Variants in ABL1 observed in about 807,000 individuals in gnomAD.
The protein encoded by ABL1 is ABL proto-oncogene 1, non-receptor tyrosine kinase.
Under a neutral mutation model 94.7 loss-of-function variants are expected in ABL1, and 11 were observed. That is an observed-to-expected ratio of 0.12 (90% confidence interval 0.07 to 0.19). The LOEUF (loss-of-function observed/expected upper bound fraction) is 0.19, where lower values mean the gene tolerates loss of function less well. Ranked by LOEUF, ABL1 falls within the 10% of genes least tolerant of loss-of-function variation. ABL1 has a pLI of 1.00. For synonymous variants in ABL1, 656 were observed against 622.4 expected (o/e 1.05, Z -0.80); for missense variants, 1,082 against 1,489.4 (o/e 0.73, Z 4.50).
chr9:130,818,509 C>T lies in ABL1; in HGVS notation c.137-35555C>T, dbSNP rs148371710. 2.9e-3 allele frequency among the ~76,000 whole-genome samples: 444 copies of T among 152,266 alleles called. 2 individuals carry two copies. The highest frequency in any genetic ancestry group is 0.01 in the African/African-American group (432 of 41,562). ...TAAAATTTCAGTTTATCAGTGATTT[C>T]TCTTAAGTTTCATGCATTGGGTATT... On this transcript the variant is annotated intron_variant, in intron 1 of 10. Transcript: ENST00000372348.
chr9:130,855,953 TC>T (rs1830967239), intron 3 of ABL1, among the ~76,000 whole-genome samples: 1 of 152,124 alleles, frequency 6.6e-6, no homozygotes, highest in African/African-American at 2.4e-5. Context: ...TCTTGCCCTG[TC>T]ACCCAGGCTG....
chr9:130,733,285 A>G (rs148379159), intron 1 of ABL1, among the ~76,000 whole-genome samples: 5 of 152,322 alleles, frequency 3.3e-5, no homozygotes, highest in African/African-American at 1.2e-4. Context: ...GTCAAAACAA[A>G]CAACTCCCAG....
At chr9:130,716,372 C>T (rs999167314) in intron 1 of ABL1, among the ~76,000 whole-genome samples, 1 of 152,160 alleles carries the variant, frequency 6.6e-6, no homozygotes, top group African/African-American at 2.4e-5. Flanking sequence ...GCTGGGATTA[C>T]AGGAGTGAGC....
chr9:130,870,398 T>C (rs1831232934), intron 4 of ABL1, among the ~76,000 whole-genome samples: 1 of 152,334 alleles, frequency 6.6e-6, no homozygotes, highest in South Asian at 2.1e-4. Context: ...ATGTGGTTTA[T>C]TATGTAGTCT....
chr9:130,886,858 CCTGGCTGCA>C lies in ABL1; in HGVS notation c.*1178_*1186del, dbSNP rs1361720859. On this transcript the variant is annotated 3_prime_UTR_variant, in exon 11 of 11. Transcript: ENST00000318560. ...AGGAAAGGGCCTGGCCAGTCCTGGT[CCTGGCTGCA>C]CTCTTGAACTGGGCGAATGTCTTAT... 1 of 233,268 alleles carries C rather than the reference CCTGGCTGCA, an allele frequency of 4.3e-6. No homozygotes were observed. Among genetic ancestry groups the C allele is most frequent in the African/African-American group, 2.2e-5 (1 of 45,342 alleles). The allele number at this position is 233,268 out of a possible 1,614,324, so 14.4% of individuals were successfully genotyped here. A position where few individuals can be genotyped will look rare whatever the true frequency, so the allele number is the denominator to read the frequency against.
chr9:130,750,644 CTTTTT>C (rs71389345), intron 1 of ABL1, among the ~76,000 whole-genome samples: 2 of 87,284 alleles, frequency 2.3e-5, no homozygotes, highest in Non-Finnish European at 4.2e-5. Flanking sequence ...CTTTTTCTTT[CTTTTT>C]TTTTTTTTTT....
At chr9:130,745,681 C>G (rs1831879629) in intron 1 of ABL1, among the ~76,000 whole-genome samples, 1 of 151,940 alleles carries the variant, frequency 6.6e-6, no homozygotes, top group Non-Finnish European at 1.5e-5. Context: ...GACCTCAGCT[C>G]TAGTTCTTTG....
chr9:130,833,818 G>T (rs1337545575), upstream of ABL1, among the ~76,000 whole-genome samples: 1 of 152,142 alleles, frequency 6.6e-6, no homozygotes. Context: ...TTGTTACTTA[G>T]CCATTCCTGA....
chr9:130,750,143 G>A (rs545567731), intron 1 of ABL1, among the ~76,000 whole-genome samples: 2 of 144,418 alleles, frequency 1.4e-5, no homozygotes, highest in Admixed American at 7.1e-5. Context: ...ATTGTGCCAC[G>A]GCACTCCAGC....
chr9:130,734,507 G>T (rs189201879), intron 1 of ABL1, among the ~76,000 whole-genome samples: 1 of 145,250 alleles, frequency 6.9e-6, no homozygotes, highest in Non-Finnish European at 1.5e-5. Context: ...GAGCCACTGC[G>T]CCTGGCCTGA....
chr9:130,717,585 G>A (rs961984862), intron 1 of ABL1, among the ~76,000 whole-genome samples: 11 of 151,444 alleles, frequency 7.3e-5, no homozygotes, highest in African/African-American at 2.4e-4. Context: ...CCAAAGAGTC[G>A]AGGCTGCGGT....
chr9:130,884,784 C>A lies in ABL1; in HGVS notation c.2494C>A (p.His832Asn), dbSNP rs377450717. ...CGTGGCCCCTGCCTCGGGCCTCCCC[C>A]ACAAGGAAGAAGCTGGAAAGGGCAG... ...VTVAPASGLPHKEEAGKGSAL... is the reference protein window; with the variant it reads ...VTVAPASGLPNKEEAGKGSAL... The change falls in exon 11 of 11, where the codon CAC becomes AAC. Residue 832 changes from histidine (H) to asparagine (N), a missense_variant. Transcript: ENST00000318560. The surrounding 1 kb of genome is among the most constrained non-coding windows in gnomAD (Gnocchi z 5.6). 1.5e-4 allele frequency: 234 copies of A among 1,610,630 alleles called. No homozygotes were observed. The highest frequency in any genetic ancestry group is 4.7e-4 in the Admixed American group (28 of 59,802).
In ABL1 at chr9:130,885,949, G is replaced by T. The variant is rs1831575181; in HGVS notation, c.*266G>T. ...GTTCCTGCTCCGTGGACTGCAGTCG[G>T]CATGCCAGGACCCGCCAGCCCCGCT... is the stretch of plus-strand genomic sequence containing the variant. On this transcript the variant is annotated 3_prime_UTR_variant, in exon 11 of 11. Coordinates refer to ENST00000318560, the MANE Select transcript of ABL1 (RefSeq NM_005157.6). 1 of 461,002 alleles carries T rather than the reference G, an allele frequency of 2.2e-6. No homozygotes were observed. The highest frequency in any genetic ancestry group is 2.0e-5 in the African/African-American group (1 of 51,256). 28.6% of individuals were successfully genotyped at this position (461,002 alleles called of 1,614,324 possible).
At chr9:130,881,015 C>T (rs1015455202) in intron 10 of ABL1, among the ~76,000 whole-genome samples, 8 of 152,214 alleles carry the variant, frequency 5.3e-5, no homozygotes, top group African/African-American at 4.8e-5. Context: ...CACCAGGCTG[C>T]GTGACAAGCA....
chr9:130,878,672 T>G (rs1198363799), intron 8 of ABL1, 105 bp downstream of exon 8: 5 of 1,366,976 alleles, frequency 3.7e-6, no homozygotes, highest in Admixed American at 2.1e-5. Context: ...ATGAGCTCTC[T>G]CCATTCCAGT....
At chr9:130,725,846 T>G (rs1216622731) in intron 1 of ABL1, among the ~76,000 whole-genome samples, 2 of 136,110 alleles carry the variant, frequency 1.5e-5, no homozygotes, top group African/African-American at 2.7e-5. Context: ...TTTTTTTTTT[T>G]TTTTTGAGAC....
At chr9:130,864,525 A>G (rs1030004208) in intron 4 of ABL1, among the ~76,000 whole-genome samples, 4 of 152,214 alleles carry the variant, frequency 2.6e-5, no homozygotes, top group Non-Finnish European at 5.9e-5. Flanking sequence ...GATTATAGGC[A>G]TGAGCCACCA....
chr9:130,733,704 G>A (rs1831696404), intron 1 of ABL1, among the ~76,000 whole-genome samples: 1 of 148,284 alleles, frequency 6.7e-6, no homozygotes, highest in Non-Finnish European at 1.5e-5. Context: ...TCAGCCTCCC[G>A]AGTAGCTGGG....
At chr9:130,742,904 A>C (rs1183487221) in intron 1 of ABL1, among the ~76,000 whole-genome samples, 2 of 152,130 alleles carry the variant, frequency 1.3e-5, no homozygotes, top group Non-Finnish European at 2.9e-5. Context: ...AGATGAAATA[A>C]ATTGCATTGT....
Sources: gnomAD v4.1 joint callset for allele counts (sites outside exome capture counted in the v4.1 genomes callset) on GRCh38, gnomAD v4.1.1 for gene constraint, Gnocchi (gnomAD v3.1) non-coding constraint, MANE v1.5 for transcripts, NCBI Gene and HGNC (gene_info 2026-07-23, HGNC 2026-07-21) for gene names.